The following ZNF385D variants were observed in gnomAD, a reference collection of about 807,000 sequenced individuals.
ZNF385D encodes zinc finger protein 659.
Under a neutral mutation model 35.8 loss-of-function variants are expected in ZNF385D, and 15 were observed. The observed-to-expected ratio is 0.42, with a 90% CI of 0.28 to 0.64. ZNF385D has a LOEUF of 0.64. Among genes scored for constraint, ZNF385D ranks in the 30% least tolerant of loss-of-function variants. ZNF385D has a pLI of 0.23. For missense variants in ZNF385D, 474 were observed against 494.6 expected (o/e 0.96, Z 0.39); for synonymous variants, 212 against 186.8 (o/e 1.13, Z -1.10).
intron 3 of ZNF385D, among the ~76,000 whole-genome samples, chr3:22,025,385 G>T (rs147458708): frequency 1.3e-5 from 2 of 152,122 alleles, no homozygotes; most frequent in Non-Finnish European, 2.9e-5. Context: ...TAGAGGTGAC[G>T]TTGAGAGTGT....
intron 2 of ZNF385D, among the ~76,000 whole-genome samples, chr3:21,620,991 T>TGC (rs2064989934): frequency 2.0e-5 from 3 of 151,386 alleles, no homozygotes; most frequent in African/African-American, 7.3e-5. Context: ...TGCACATGTG[T>TGC]GTGTGCGCAC....
intron 3 of ZNF385D, among the ~76,000 whole-genome samples, chr3:21,806,235 G>T: frequency 6.6e-6 from 1 of 150,952 alleles, no homozygotes; most frequent in South Asian, 2.1e-4. Context: ...AGGGGGCAGG[G>T]GGAGGTTATA....
chr3:22,048,670 A>G (rs1699158690), intron 3 of ZNF385D, among the ~76,000 whole-genome samples: 1 of 152,166 alleles, frequency 6.6e-6, no homozygotes, highest in Admixed American at 6.5e-5. Context: ...TTTTGAAATC[A>G]GGTAATGTGA....
In ZNF385D at chr3:21,933,520, A is replaced by G. The variant is rs1187001523; in HGVS notation, c.325+235297T>C. On this transcript the variant is annotated intron_variant, in intron 3 of 5. Transcript: ENST00000494108. The stretch of plus-strand genomic sequence containing the variant: ...CTTCATAGGCTATAATTACCTGAGC[A>G]TCTCAGGACCAGGTCCCTAGATCTG... Among the ~76,000 whole-genome samples, 3 of 152,338 alleles carry G rather than the reference A, an allele frequency of 2.0e-5. No homozygotes were observed. In the East Asian group the frequency reaches 5.8e-4, roughly 29 times the overall value.
chr3:21,843,130 G>A (rs1695781924), intron 3 of ZNF385D, among the ~76,000 whole-genome samples: 1 of 152,042 alleles, frequency 6.6e-6, no homozygotes, highest in Admixed American at 6.6e-5. Flanking sequence ...GCAAGAGAAT[G>A]TTCTTGTCTC....
chr3:21,751,222 A>T (rs1416214496), upstream of ZNF385D: 10 of 1,256,524 alleles, frequency 8.0e-6, no homozygotes, highest in Admixed American at 3.5e-4. Context: ...AGAGTACTAC[A>T]AGCAGACCCC....
chr3:21,828,648 C>T (rs1490523219), intron 3 of ZNF385D, among the ~76,000 whole-genome samples: 1 of 152,118 alleles, frequency 6.6e-6, no homozygotes, highest in Non-Finnish European at 1.5e-5. Flanking sequence ...AGAAATAAAC[C>T]ATCTTTGTTA....
chr3:21,759,275 C>A (rs1379461014), intron 3 of ZNF385D, among the ~76,000 whole-genome samples: 1 of 151,936 alleles, frequency 6.6e-6, no homozygotes, highest in Non-Finnish European at 1.5e-5. Flanking sequence ...TTGACCCGGA[C>A]TGATATAATG....
chr3:22,289,548 A>G (rs993711890), intron 2 of ZNF385D, among the ~76,000 whole-genome samples: 4 of 152,158 alleles, frequency 2.6e-5, no homozygotes, highest in Non-Finnish European at 2.9e-5. Context: ...AAAACTGGGC[A>G]TGCAAGCCTC....
chr3:22,251,014 A>C lies in ZNF385D; in HGVS notation c.107-81979T>G, dbSNP rs189066378. On this transcript the variant is annotated intron_variant, in intron 2 of 5. Transcript: ENST00000494108. ...GAAGCTTGGAATCAGGACAACACCA[A>C]TCAATCGCCCTTACCTCAGAAAAAT... Among the ~76,000 whole-genome samples the C allele has an allele frequency of 8.5e-4, 129 of 152,160 alleles. 1 individual carries two copies. Among genetic ancestry groups the C allele is most frequent in the Non-Finnish European group, 9.9e-4 (67 of 67,986 alleles).
chr3:21,645,657 C>T (rs1009410967), intron 2 of ZNF385D, among the ~76,000 whole-genome samples: 1 of 152,136 alleles, frequency 6.6e-6, no homozygotes, highest in Non-Finnish European at 1.5e-5. Flanking sequence ...TCCCTGCAGT[C>T]TCCACCTACT....
At chr3:21,906,413 A>C (rs568517855) in intron 3 of ZNF385D, among the ~76,000 whole-genome samples, 29 of 152,176 alleles carry the variant, frequency 1.9e-4, no homozygotes, top group Non-Finnish European at 4.0e-4. Context: ...TGCTCATTTG[A>C]AAGGTCAAAG....
At chr3:21,771,501 A>G (rs1475001678) in intron 3 of ZNF385D, among the ~76,000 whole-genome samples, 1 of 151,984 alleles carries the variant, frequency 6.6e-6, no homozygotes, top group Non-Finnish European at 1.5e-5. Context: ...AAATAAGTCA[A>G]CAGAAATTGT....
At chr3:21,908,154 CTATCTATCTATCTATCTATA>C (rs1280474193) in intron 3 of ZNF385D, among the ~76,000 whole-genome samples, 17 of 150,774 alleles carry the variant, frequency 1.1e-4, no homozygotes, top group African/African-American at 3.7e-4. Context: ...ATCTATCTAT[CTATCTATCTATCTATCTATA>C]TATGTATAAA....
At chr3:21,505,510 T>C (rs1706708011) in intron 4 of ZNF385D, among the ~76,000 whole-genome samples, 1 of 152,164 alleles carries the variant, frequency 6.6e-6, no homozygotes. Flanking sequence ...AACATTTTTC[T>C]TTTCTCTAGC....
At chr3:21,792,835 T>C (rs1420401099) in intron 3 of ZNF385D, among the ~76,000 whole-genome samples, 3 of 152,208 alleles carry the variant, frequency 2.0e-5, no homozygotes, top group Admixed American at 6.5e-5. Flanking sequence ...AAATGATTGT[T>C]TTGATTTTTT....
chr3:21,425,921 T>C (rs1253271286), intron 5 of ZNF385D, among the ~76,000 whole-genome samples: 2 of 152,218 alleles, frequency 1.3e-5, no homozygotes, highest in Non-Finnish European at 2.9e-5. Context: ...TCATTTTTTT[T>C]CTAATGCTCC....
At chr3:22,084,116 C>T (rs1230878870) in intron 3 of ZNF385D, among the ~76,000 whole-genome samples, 2 of 152,178 alleles carry the variant, frequency 1.3e-5, no homozygotes, top group Non-Finnish European at 2.9e-5. Context: ...CAGTACCAGC[C>T]ACTGCAAAAA....
At chr3:21,636,810 G>A (rs957284183) in intron 2 of ZNF385D, among the ~76,000 whole-genome samples, 2 of 151,942 alleles carry the variant, frequency 1.3e-5, no homozygotes, top group African/African-American at 4.8e-5. Context: ...ATCACAGGTG[G>A]TATTGCATTG....
Sources: gnomAD v4.1 joint callset for allele counts (sites outside exome capture counted in the v4.1 genomes callset) on GRCh38, gnomAD v4.1.1 for gene constraint, MANE v1.5 for transcripts, NCBI Gene and HGNC (gene_info 2026-07-23, HGNC 2026-07-21) for gene names.